SYNE2: variants seen among roughly 807,000 people sequenced by gnomAD.
The protein encoded by SYNE2 is spectrin repeat containing nuclear envelope protein 2.
In SYNE2, 431 loss-of-function variants were observed where a neutral mutation model predicts 856.3. The ratio of observed to expected loss-of-function variants is 0.50; its 90% CI spans 0.47 to 0.55. SYNE2 has a LOEUF of 0.55. Ranked by LOEUF, SYNE2 falls within the 20% of genes least tolerant of loss-of-function variation. The pLI is 0.00. For synonymous variants in SYNE2, 2,923 were observed against 2,872.3 expected, an observed-to-expected ratio of 1.02 and a Z score of -0.56; for missense variants, 8,129 against 8,023.2, an observed-to-expected ratio of 1.01 and a Z score of -0.50.
intron 10 of SYNE2, 96 bp from the exon 11 acceptor site, chr14:63,967,613 A>G (rs545948917): frequency 7.5e-7 from 1 of 1,332,542 alleles, no homozygotes; most frequent in Non-Finnish European, 1.0e-6. Flanking sequence ...GTAAAAACTT[A>G]AATATATCCT....
chr14:63,941,727 C>A lies in SYNE2; in HGVS notation c.174C>A (p.Phe58Leu). Residue 58 changes from phenylalanine to leucine, a missense_variant, in exon 4 of 116, where the codon TTC becomes TTA. Around this residue, in one of 3 missense-constraint regions of SYNE2, gnomAD observed 2,422 missense variants for 2,357.4 expected, o/e 1.03. Transcript: ENST00000555002. ...HTSPSVISDL[F>L]TDIKKGHVLL... is the part of the protein sequence containing the mutation. ...CTCCCTCAGTTATATCCGACCTATT[C>A]ACAGACATTAAAAAGGGGCATGTCC... 2 of 1,614,108 alleles carry A rather than the reference C, an allele frequency of 1.2e-6. No homozygotes were observed. Among genetic ancestry groups the A allele is most frequent in the South Asian group, 1.1e-5 (1 of 91,084 alleles).
At chr14:63,807,819 TTATATATATATATATA>T (rs71120288) in intron 1 of SYNE2, among the ~76,000 whole-genome samples, 2,797 of 25,492 alleles carry the variant, frequency 0.11, 358 homozygotes, top group African/African-American at 0.25. Flanking sequence ...TACTCCAGGC[TTATATATATATATATA>T]TATATATATA....
chr14:63,846,881 A>G (rs1307297526), intron 1 of SYNE2, among the ~76,000 whole-genome samples: 1 of 151,964 alleles, frequency 6.6e-6, no homozygotes, highest in African/African-American at 2.4e-5. Context: ...ATAGGTGTGA[A>G]CCATGTACCT....
At chr14:63,928,812 A>G (rs1451556156) in intron 2 of SYNE2, among the ~76,000 whole-genome samples, 2 of 152,122 alleles carry the variant, frequency 1.3e-5, no homozygotes, top group African/African-American at 4.8e-5. Context: ...ATGTTGCATT[A>G]TTGTCTGAAT....
At chr14:63,812,384 ACT>A (rs1888647027) in intron 1 of SYNE2, among the ~76,000 whole-genome samples, 1 of 152,090 alleles carries the variant, frequency 6.6e-6, no homozygotes, top group Non-Finnish European at 1.5e-5. Flanking sequence ...CCTGAAAATC[ACT>A]GTTATTCTGT....
chr14:64,222,585 G>GC (rs1780467607), intron 112 of SYNE2, among the ~76,000 whole-genome samples: 1 of 152,120 alleles, frequency 6.6e-6, no homozygotes, highest in African/African-American at 2.4e-5. Context: ...AATTAGCTGG[G>GC]CATGGTGGCA....
intron 49 of SYNE2, among the ~76,000 whole-genome samples, chr14:64,059,146 C>G (rs1455287513): frequency 6.6e-6 from 1 of 152,148 alleles, no homozygotes; most frequent in Non-Finnish European, 1.5e-5. Context: ...ATATTTCTCT[C>G]TCTGAAATTG....
intron 94 of SYNE2, among the ~76,000 whole-genome samples, 174 bp from the exon 95 acceptor site, chr14:64,174,770 G>T (rs777600155): frequency 6.1e-4 from 93 of 152,110 alleles, no homozygotes; most frequent in Non-Finnish European, 1.0e-3. Flanking sequence ...TATCTACTCA[G>T]TGTAAAACAT....
intron 1 of SYNE2, among the ~76,000 whole-genome samples, chr14:63,874,730 A>G (rs1413574864): frequency 6.6e-6 from 1 of 152,226 alleles, no homozygotes; most frequent in Non-Finnish European, 1.5e-5. Flanking sequence ...AAATCTTGCA[A>G]GAAGATTTAG....
chr14:63,981,383 C>T (rs1035011221), intron 16 of SYNE2, among the ~76,000 whole-genome samples: 79 of 152,072 alleles, frequency 5.2e-4, no homozygotes, highest in African/African-American at 1.7e-3. Flanking sequence ...TGGTCAAACA[C>T]GCACATACAC....
At chr14:63,774,628 A>G (rs960709409) in intron 1 of SYNE2, among the ~76,000 whole-genome samples, 9 of 151,830 alleles carry the variant, frequency 5.9e-5, no homozygotes, top group African/African-American at 2.2e-4. Context: ...CCCATGTCCC[A>G]GGATCAAGCA....
intron 106 of SYNE2, among the ~76,000 whole-genome samples, 194 bp from the exon 107 acceptor site, chr14:64,215,092 A>C (rs1357380734): frequency 1.3e-5 from 2 of 152,062 alleles, no homozygotes; most frequent in Non-Finnish European, 2.9e-5. Context: ...TCTCCCTTTG[A>C]TACCCAGTGT....
chr14:63,772,247 G>T (rs1020320515), intron 1 of SYNE2, among the ~76,000 whole-genome samples: 6 of 151,888 alleles, frequency 4.0e-5, no homozygotes, highest in African/African-American at 1.5e-4. Context: ...CCAGCTACTT[G>T]GGGGGCTGAG....
At chr14:64,097,914 C>T (rs372362123) in intron 61 of SYNE2, 35 bp from the exon 62 acceptor site, 1 of 1,611,460 alleles carries the variant, frequency 6.2e-7, no homozygotes, top group Admixed American at 1.7e-5. Flanking sequence ...AGGCCTCAGA[C>T]TTCTCAAACC....
intron 94 of SYNE2, among the ~76,000 whole-genome samples, chr14:64,171,558 A>ACC (rs2098410857): frequency 2.6e-5 from 4 of 152,198 alleles, no homozygotes; most frequent in Non-Finnish European, 5.9e-5. Flanking sequence ...CTGGGACTGA[A>ACC]TGATGAGAAG....
At chr14:63,944,823 G>A (rs1476466046) in intron 6 of SYNE2, among the ~76,000 whole-genome samples, 1 of 65,786 alleles carries the variant, frequency 1.5e-5, no homozygotes, top group Non-Finnish European at 2.7e-5. Flanking sequence ...TGGGCTTAAA[G>A]CTTTTTTTTT....
intron 2 of SYNE2, among the ~76,000 whole-genome samples, chr14:63,937,233 C>A (rs1414605233): frequency 6.6e-6 from 1 of 152,102 alleles, no homozygotes; most frequent in East Asian, 1.9e-4. Flanking sequence ...ACAGTAAACA[C>A]AAACTATTTG....
At chr14:63,995,005 G>A (rs1362979994) in intron 22 of SYNE2, 39 bp from the exon 23 acceptor site, 6 of 1,319,082 alleles carry the variant, frequency 4.5e-6, no homozygotes, top group Middle Eastern at 2.2e-4. Flanking sequence ...TGTATATTTT[G>A]TTCTCATGGT....
In SYNE2 at chr14:63,996,936, T is replaced by C. The variant is rs143910548; in HGVS notation, c.2941-11T>C. 1 of 1,613,608 alleles carries C rather than the reference T, an allele frequency of 6.2e-7. No homozygotes were observed. The highest frequency in any genetic ancestry group is 8.5e-7 in the Non-Finnish European group (1 of 1,179,716). ...CCAGAAGCACATTTCCTGCTTTATT[T>C]CTTCAATTAGGCCTGCTTTTCTGAG... On this transcript the variant is annotated splice_polypyrimidine_tract_variant and intron_variant, in intron 23 of 115. Coordinates refer to ENST00000555002, the MANE Select transcript of SYNE2 (RefSeq NM_182914.3).
Sources: allele counts gnomAD v4.1 joint callset (sites outside exome capture counted in the v4.1 genomes callset), GRCh38; gene constraint gnomAD v4.1.1; regional missense constraint gnomAD v4.1.1; transcripts MANE v1.5; gene names NCBI Gene and HGNC (gene_info 2026-07-23, HGNC 2026-07-21).